NEURL1B: variants seen among roughly 807,000 people sequenced by gnomAD.
NEURL1B encodes the protein E3 ubiquitin-protein ligase NEURL1B.
In NEURL1B, 13 loss-of-function variants were observed where a neutral mutation model predicts 37.4. The ratio of observed to expected loss-of-function variants is 0.35; its 90% CI spans 0.23 to 0.55. NEURL1B has a LOEUF of 0.55. NEURL1B is among the 20% of genes least tolerant of loss of function. The pLI, the probability that NEURL1B is intolerant of heterozygous loss-of-function variation, is 0.89. For missense variants in NEURL1B, 790 were observed against 879.2 expected, an observed-to-expected ratio of 0.90 and a Z score of 1.28; for synonymous variants, 432 against 426.6, an observed-to-expected ratio of 1.01 and a Z score of -0.16.
chr5:172,684,287 G>A lies in NEURL1B; in HGVS notation c.1297+149G>A, dbSNP rs193174548. ...GCGGTTCCCAACTTTAAGCGCCCGG[G>A]CACGATCCACCCCGTCCAAAATTGC... On this transcript the variant is annotated intron_variant, in intron 3 of 4. Transcript: ENST00000369800. 7.2e-5 allele frequency: 48 copies of A among 665,222 alleles called. No homozygotes were observed. The African/African-American group carries it at 8.8e-4, about 12-fold the overall frequency. 41.2% of individuals were successfully genotyped at this position (665,222 alleles called of 1,614,324 possible).
intron 1 of NEURL1B, among the ~76,000 whole-genome samples, chr5:172,654,894 A>G (rs1310662060): frequency 6.6e-6 from 1 of 152,128 alleles, no homozygotes; most frequent in Non-Finnish European, 1.5e-5. Context: ...CTTTTAAAGG[A>G]ATAGGGTACA....
intron 1 of NEURL1B, chr5:172,656,561 C>G: frequency 6.2e-7 from 1 of 1,610,964 alleles, no homozygotes; most frequent in Non-Finnish European, 8.5e-7. Context: ...TGGCCAAGAG[C>G]CCCTTCCCCG....
chr5:172,660,664 G>A (rs148537764), intron 1 of NEURL1B, among the ~76,000 whole-genome samples: 53 of 152,216 alleles, frequency 3.5e-4, no homozygotes, highest in African/African-American at 1.2e-3. Context: ...TTTTTGAGAT[G>A]TAGTCTCCCT....
chr5:172,666,064 G>A (rs1273296543), intron 1 of NEURL1B, among the ~76,000 whole-genome samples: 1 of 152,180 alleles, frequency 6.6e-6, no homozygotes, highest in Non-Finnish European at 1.5e-5. Context: ...GAGGTCAACA[G>A]GCAGCCTCTT....
chr5:172,672,533 T>G (rs1758147968), intron 2 of NEURL1B, among the ~76,000 whole-genome samples: 1 of 98,872 alleles, frequency 1.0e-5, no homozygotes. Context: ...ATCTGTGAGG[T>G]GAACTCTCCC....
rs1370394438 is a variant in NEURL1B, at chr5:172,687,444, A to G, written c.*519A>G. On this transcript the variant is annotated 3_prime_UTR_variant, in exon 5 of 5. Transcript: ENST00000369800. ...TGGGACATAAGCTGGTTTTGAATGT[A>G]TGAAGCTGACCCTCACAGAACTCCC... The G allele has an allele frequency of 1.3e-5, 2 of 154,996 alleles. No individual in the cohort carries two copies. Among genetic ancestry groups the G allele is most frequent in the Non-Finnish European group, 2.9e-5 (2 of 69,750 alleles). 9.6% of individuals were successfully genotyped at this position (154,996 alleles called of 1,614,324 possible).
chr5:172,653,820 T>A (rs1295724322), intron 1 of NEURL1B, among the ~76,000 whole-genome samples: 1 of 152,248 alleles, frequency 6.6e-6, no homozygotes, highest in Non-Finnish European at 1.5e-5. Flanking sequence ...ACAACATTTC[T>A]TGCGTAAATT....
At chr5:172,660,108 T>C (rs1757866882) in intron 1 of NEURL1B, among the ~76,000 whole-genome samples, 1 of 152,136 alleles carries the variant, frequency 6.6e-6, no homozygotes, top group Non-Finnish European at 1.5e-5. Context: ...GGAAGTGATG[T>C]ACTCGAGAAG....
intron 1 of NEURL1B, chr5:172,656,461 A>T (rs892962204): frequency 1.6e-5 from 22 of 1,386,522 alleles, no homozygotes; most frequent in Non-Finnish European, 2.2e-5. Context: ...CAGGGAATAG[A>T]GAGGTTTAAA....
At chr5:172,671,022 G>A (rs1472407834) in intron 2 of NEURL1B, among the ~76,000 whole-genome samples, 1 of 152,224 alleles carries the variant, frequency 6.6e-6, no homozygotes, top group Non-Finnish European at 1.5e-5. Context: ...TTTGCTACCT[G>A]TATCTCAAGA....
chr5:172,650,467 G>C (rs952781744), intron 1 of NEURL1B, among the ~76,000 whole-genome samples: 5 of 152,152 alleles, frequency 3.3e-5, no homozygotes, highest in Non-Finnish European at 2.9e-5. Flanking sequence ...AGGTCACCAG[G>C]TGATTACAAA....
rs571242075 is a variant in NEURL1B at position 172,669,789 on chromosome 5, G to A, written c.36G>A (p.Pro12=). ...GNTVHRTLPD[P]SPPARLLATR... ...GCTGCCTGTGTCTTTCCGCAGACCCGAGCCCACCGGCGCGCCTCCTGGCCA... is the reference window on the plus strand; with the variant it reads ...GCTGCCTGTGTCTTTCCGCAGACCCAAGCCCACCGGCGCGCCTCCTGGCCA... The change falls in exon 2 of 5, where the codon CCG becomes CCA. Residue 12 remains proline, a synonymous_variant. Transcript: ENST00000369800. The A allele has an allele frequency of 3.9e-6, 5 of 1,266,664 alleles. No individual in the cohort carries two copies. Among genetic ancestry groups the A allele is most frequent in the South Asian group, 2.6e-5 (1 of 37,870 alleles). The allele number at this position is 1,266,664 out of a possible 1,614,324, so 78.5% of individuals were successfully genotyped here.
Position 172,683,509 on chromosome 5 carries a change from A to G in NEURL1B, c.668A>G (p.Asn223Ser). 1 of 1,502,962 alleles carries G rather than the reference A, an allele frequency of 6.7e-7. No individual in the cohort carries two copies. The highest frequency in any genetic ancestry group is 8.8e-7 in the Non-Finnish European group (1 of 1,131,102). The allele number at this position is 1,502,962 out of a possible 1,614,324, so 93.1% of individuals were successfully genotyped here. The change falls in exon 3 of 5, where the codon AAC (asparagine) becomes AGC (serine). Residue 223 changes from asparagine (N) to serine (S), a missense_variant. This residue lies in a region of NEURL1B where 460 missense variants were observed against 407.4 expected (regional missense o/e 1.13). Coordinates refer to ENST00000369800, the MANE Select transcript of NEURL1B (RefSeq NM_001142651.3). This position sits in a 1 kb window ranked among gnomAD's most constrained non-coding sequence, Gnocchi z 5.6. ...CLPPSSHDAA[N>S]FDNNELENNQ... is the part of the protein sequence containing the mutation. ...CCGCCCAGCAGCCACGACGCGGCCA[A>G]CTTCGACAACAACGAGCTCGAGAAC...
chr5:172,660,898 C>G (rs936145974), intron 1 of NEURL1B, among the ~76,000 whole-genome samples: 1 of 151,888 alleles, frequency 6.6e-6, no homozygotes, highest in Non-Finnish European at 1.5e-5. Flanking sequence ...TACAAAGTGC[C>G]GAGATTACAG....
chr5:172,669,401 C>T (rs1003884589), intron 1 of NEURL1B, among the ~76,000 whole-genome samples: 1 of 152,204 alleles, frequency 6.6e-6, no homozygotes, highest in Non-Finnish European at 1.5e-5. Context: ...TTTGGAGGGA[C>T]TCTGTGGCCC....
chr5:172,673,007 C>CA (rs1758160396), intron 2 of NEURL1B, among the ~76,000 whole-genome samples: 1 of 141,442 alleles, frequency 7.1e-6, no homozygotes, highest in African/African-American at 3.0e-5. Flanking sequence ...GTTTCTGACA[C>CA]GTGATTGAGG....
At position 172,691,397 on chromosome 5, in the gene NEURL1B, A is replaced by G. The variant is rs1758656140; in HGVS notation, c.*4472A>G. 1 of 152,220 alleles carries G rather than the reference A, an allele frequency of 6.6e-6. No homozygotes were observed. Among genetic ancestry groups the G allele is most frequent in the Non-Finnish European group, 1.5e-5 (1 of 68,042 alleles). The allele number at this position is 152,220 out of a possible 1,614,324, so 9.4% of individuals were successfully genotyped here. On this transcript the variant is annotated 3_prime_UTR_variant, in exon 5 of 5. Transcript: ENST00000369800. ...GTAATCAAGGTTTTAAAACCTGGGA[A>G]GTGGGTTGGGAAGGGTTTGCACTGG...
intron 3 of NEURL1B, among the ~76,000 whole-genome samples, chr5:172,685,094 G>C (rs912941849): frequency 6.6e-6 from 1 of 152,234 alleles, no homozygotes; most frequent in Non-Finnish European, 1.5e-5. Context: ...CAGCTTTGAA[G>C]ATGCTGGACA....
In NEURL1B at chr5:172,641,518, AC is replaced by A; in HGVS notation, c.31+85del. ...ACCCGCTGGGTGACTCTGGAGAGCT[AC>A]CCCACGGCCCTTGGAGCCCTCGGCT... On this transcript the variant is annotated intron_variant, in intron 1 of 4. Coordinates refer to ENST00000369800, the MANE Select transcript of NEURL1B (RefSeq NM_001142651.3). The surrounding 1 kb of genome is among the most constrained non-coding windows in gnomAD (Gnocchi z 6.4). 1 of 1,158,586 alleles carries A rather than the reference AC, an allele frequency of 8.6e-7. No homozygotes were observed. The highest frequency in any genetic ancestry group is 1.1e-6 in the Non-Finnish European group (1 of 916,496). The allele number at this position is 1,158,586 out of a possible 1,614,324, so 71.8% of individuals were successfully genotyped here.
Sources: gnomAD v4.1 joint callset for allele counts (sites outside exome capture counted in the v4.1 genomes callset) on GRCh38, gnomAD v4.1.1 for gene constraint, gnomAD v4.1.1 regional missense constraint, Gnocchi (gnomAD v3.1) non-coding constraint, MANE v1.5 for transcripts, NCBI Gene and HGNC (gene_info 2026-07-23, HGNC 2026-07-21) for gene names.